The following CACYBP variants were observed in gnomAD, a reference collection of about 807,000 sequenced individuals.
The protein encoded by CACYBP is calcyclin-binding protein.
A neutral mutation model predicts 29.6 loss-of-function variants in CACYBP; 11 were observed. The ratio of observed to expected loss-of-function variants is 0.37; its 90% confidence interval spans 0.23 to 0.61. The LOEUF is 0.61. Ranked by LOEUF, CACYBP falls within the 20% of genes least tolerant of loss-of-function variation. The pLI, the probability that CACYBP is intolerant of heterozygous loss-of-function variation, is 0.65. For missense variants in CACYBP, 163 were observed against 260.7 expected (o/e 0.63, Z 2.58); for synonymous variants, 73 against 88.3 (o/e 0.83, Z 0.97).
At chr1:175,002,018 T>C (rs554850476) in intron 1 of CACYBP, among the ~76,000 whole-genome samples, 1 of 152,324 alleles carries the variant, frequency 6.6e-6, no homozygotes, top group South Asian at 2.1e-4. Context: ...AGTGCTGGGA[T>C]TACAGGTGTG....
intron 1 of CACYBP, among the ~76,000 whole-genome samples, chr1:175,003,323 T>C (rs1432250463): frequency 7.2e-5 from 11 of 152,174 alleles, no homozygotes; most frequent in Non-Finnish European, 2.9e-5. Context: ...TTCGCCGTGT[T>C]GGTCATGTTG....
At chr1:175,009,721 C>A (rs1005766782) in intron 5 of CACYBP, among the ~76,000 whole-genome samples, 1 of 150,146 alleles carries the variant, frequency 6.7e-6, no homozygotes, top group Non-Finnish European at 1.5e-5. Context: ...TGACCTCTTT[C>A]GTGCACCAAG....
Position 175,000,031 on chromosome 1 carries a change from C to A in CACYBP, c.-150C>A. 8.7e-7 allele frequency: 1 copy of A among 1,146,880 alleles called. No homozygotes were observed. Among genetic ancestry groups the A allele is most frequent in the Non-Finnish European group, 1.3e-6 (1 of 792,782 alleles). 71.0% of individuals were successfully genotyped at this position (1,146,880 alleles called of 1,614,324 possible). A position where few individuals can be genotyped will look rare whatever the true frequency, so the allele number is the denominator to read the frequency against. ...TCCGTCGCGTGCGGGAGGCGGGCCG[C>A]GATCTTGCGCAGGGTCGGTGTGGGC... On this transcript the variant is annotated 5_prime_UTR_variant, in exon 1 of 6. Coordinates refer to ENST00000367679, the MANE Select transcript of CACYBP (RefSeq NM_014412.3).
At chr1:175,002,054 A>ATGTCAT (rs1672505163) in intron 1 of CACYBP, among the ~76,000 whole-genome samples, 1 of 151,924 alleles carries the variant, frequency 6.6e-6, no homozygotes, top group African/African-American at 2.4e-5. Flanking sequence ...CCTTATTTCC[A>ATGTCAT]CTTCGTGACT....
intron 1 of CACYBP, chr1:175,000,427 G>A: frequency 7.2e-7 from 1 of 1,391,966 alleles, no homozygotes; most frequent in Non-Finnish European, 9.3e-7. Context: ...GAGCGGGGGT[G>A]TGCGGCGATT....
chr1:175,009,666 T>A (rs1246678926), intron 5 of CACYBP, among the ~76,000 whole-genome samples: 18 of 119,504 alleles, frequency 1.5e-4, no homozygotes, highest in Admixed American at 4.1e-4. Context: ...AAAAAAAAAA[T>A]CATGGGAAAT....
chr1:175,008,516 G>T, intron 4 of CACYBP, 93 bp from the exon 5 acceptor site: 2 of 718,386 alleles, frequency 2.8e-6, no homozygotes, highest in Non-Finnish European at 5.0e-6. Flanking sequence ...ACATACTAGG[G>T]ACTTGATCAA....
rs941398562 is a variant in CACYBP, at chr1:175,010,629, CAATG to C, written c.*555_*558del. On this transcript the variant is annotated 3_prime_UTR_variant, in exon 6 of 6. Transcript: ENST00000367679. ...TCTATCTAGATTTAAATATATTTGT[CAATG>C]AATGTGGAATAGAAAATCTAAACAT... 6.6e-6 allele frequency: 1 copy of C among 152,110 alleles called. No individual in the cohort carries two copies. The highest frequency in any genetic ancestry group is 1.5e-5 in the Non-Finnish European group (1 of 68,048). The allele number at this position is 152,110 out of a possible 1,614,324, so 9.4% of individuals were successfully genotyped here.
chr1:175,007,754 G>A lies in CACYBP; in HGVS notation c.432+557G>A, dbSNP rs978267399. Among the ~76,000 whole-genome samples the A allele has an allele frequency of 6.6e-5, 10 of 152,172 alleles. No individual in the cohort carries two copies. In the South Asian group the frequency reaches 1.9e-3, roughly 28 times the overall value. ...AGTGTTAGCATTGTGCATAATACTC[G>A]TATACATAAAAGGAGGTCTTAAGCA... On this transcript the variant is annotated intron_variant, in intron 4 of 5. Coordinates refer to ENST00000367679, the MANE Select transcript of CACYBP (RefSeq NM_014412.3).
At position 175,000,059 on chromosome 1, in the gene CACYBP, A is replaced by C; in HGVS notation, c.-122A>C. 1.5e-6 allele frequency: 2 copies of C among 1,365,084 alleles called. No homozygotes were observed. Among genetic ancestry groups the C allele is most frequent in the Non-Finnish European group, 2.0e-6 (2 of 981,148 alleles). The allele number at this position is 1,365,084 out of a possible 1,614,324, so 84.6% of individuals were successfully genotyped here. On this transcript the variant is annotated 5_prime_UTR_variant, in exon 1 of 6. Coordinates refer to ENST00000367679, the MANE Select transcript of CACYBP (RefSeq NM_014412.3). ...TCTTGCGCAGGGTCGGTGTGGGCGC[A>C]GGCTGCAGCGCCGCGACTCGTGCGG... is the stretch of plus-strand genomic sequence containing the variant.
upstream of CACYBP, chr1:174,999,878 G>A: frequency 2.0e-6 from 1 of 511,514 alleles, no homozygotes; most frequent in Non-Finnish European, 3.4e-6. Context: ...GGCGGAGCCA[G>A]ACTCGGCGGG....
chr1:175,000,172 C>G lies in CACYBP; in HGVS notation c.-9C>G, dbSNP rs1447606827. 6.2e-7 allele frequency: 1 copy of G among 1,607,544 alleles called. No individual in the cohort carries two copies. On this transcript the variant is annotated 5_prime_UTR_variant, in exon 1 of 6. Coordinates refer to ENST00000367679, the MANE Select transcript of CACYBP (RefSeq NM_014412.3). ...CTGCAGCTCGGGACTTCGGCCTGAC[C>G]CAGCCCCCATGGCTTCAGAAGAGGT...
rs1002476896 is a variant in CACYBP, at chr1:175,011,066, T to C, written c.*987T>C. On this transcript the variant is annotated 3_prime_UTR_variant, in exon 6 of 6. Coordinates refer to ENST00000367679, the MANE Select transcript of CACYBP (RefSeq NM_014412.3). ...CTGCAGTGAGCTATGATGATGCCAC[T>C]GTACTGCAGCTTGGGTAACAGATTG... 1 of 144,480 alleles carries C rather than the reference T, an allele frequency of 6.9e-6. No homozygotes were observed. Among genetic ancestry groups the C allele is most frequent in the Non-Finnish European group, 1.5e-5 (1 of 67,358 alleles). The allele number at this position is 144,480 out of a possible 1,614,324, so 8.9% of individuals were successfully genotyped here. A position where few individuals can be genotyped will look rare whatever the true frequency, so the allele number is the denominator to read the frequency against.
intron 1 of CACYBP, 74 bp downstream of exon 1, chr1:175,000,269 T>C: frequency 6.5e-7 from 1 of 1,548,412 alleles, no homozygotes; most frequent in Non-Finnish European, 8.7e-7. Context: ...CCTACCGCCG[T>C]TTCCGTGGGC....
chr1:175,008,018 C>T (rs1672658504), intron 4 of CACYBP, among the ~76,000 whole-genome samples: 1 of 152,172 alleles, frequency 6.6e-6, no homozygotes, highest in Admixed American at 6.5e-5. Context: ...TTACTGCACC[C>T]TTCTGCATCC....
At chr1:175,009,516 T>G (rs1373787190) in intron 5 of CACYBP, among the ~76,000 whole-genome samples, 1 of 151,636 alleles carries the variant, frequency 6.6e-6, no homozygotes, top group Non-Finnish European at 1.5e-5. Flanking sequence ...CATGGTGGCA[T>G]GTGCCTGTAA....
intron 5 of CACYBP, 145 bp from the exon 6 acceptor site, chr1:175,009,778 T>C (rs1672704511): frequency 3.5e-6 from 2 of 578,526 alleles, no homozygotes; most frequent in African/African-American, 3.8e-5. Flanking sequence ...AAGATGAATT[T>C]GTGCGTGCCG....
At chr1:175,000,219 C>T (rs924718643) in intron 1 of CACYBP, 24 bp downstream of exon 1, 10 of 1,598,652 alleles carry the variant, frequency 6.3e-6, no homozygotes, top group Non-Finnish European at 8.5e-6. Context: ...CCCCATATTC[C>T]TTATGCCCCC....
At chr1:175,002,756 A>G (rs1274928733) in intron 1 of CACYBP, among the ~76,000 whole-genome samples, 1 of 152,212 alleles carries the variant, frequency 6.6e-6, no homozygotes, top group Non-Finnish European at 1.5e-5. Flanking sequence ...TCATAATAAA[A>G]AGAGTACTTT....
Sources: allele counts gnomAD v4.1 joint callset (sites outside exome capture counted in the v4.1 genomes callset), GRCh38; gene constraint gnomAD v4.1.1; transcripts MANE v1.5; gene names NCBI Gene and HGNC (gene_info 2026-07-23, HGNC 2026-07-21).